The following DNAH9 variants were observed in gnomAD, a reference collection of about 807,000 sequenced individuals.
The protein encoded by DNAH9 is DNAH9 variant protein.
DNAH9 carries 345 observed loss-of-function variants against 471.6 expected under a neutral mutation model. The observed-to-expected ratio is 0.73, with a 90% CI of 0.67 to 0.80. DNAH9 has a LOEUF of 0.80. Among genes scored for constraint, DNAH9 ranks in the 30% least tolerant of loss-of-function variants. The pLI is 0.00. For synonymous variants in DNAH9, 2,093 were observed against 2,123.6 expected (o/e 0.99, Z 0.40); for missense variants, 5,407 against 5,609.2 (o/e 0.96, Z 1.15).
At chr17:11,652,478 G>A (rs1049856688) in intron 13 of DNAH9, among the ~76,000 whole-genome samples, 1 of 151,862 alleles carries the variant, frequency 6.6e-6, no homozygotes, top group African/African-American at 2.4e-5. Context: ...GTAGAGACAG[G>A]GTTTCACCGT....
At chr17:11,708,014 CAGAGAGAGAGAGAGAGAGAGAG>C (rs34314090) in intron 26 of DNAH9, among the ~76,000 whole-genome samples, 1 of 52,154 alleles carries the variant, frequency 1.9e-5, no homozygotes, top group African/African-American at 7.2e-5. Flanking sequence ...CACACACACA[CAGAGAGAGAGAGAGAGAGAGAG>C]AGAGAGAGAG....
intron 28 of DNAH9, among the ~76,000 whole-genome samples, chr17:11,732,800 C>G (rs1442437999): frequency 6.6e-6 from 1 of 152,206 alleles, no homozygotes; most frequent in East Asian, 1.9e-4. Context: ...GCCCTGTTCC[C>G]CTCCATGCCC....
intron 38 of DNAH9, among the ~76,000 whole-genome samples, chr17:11,780,730 T>C (rs1362808053): frequency 6.6e-6 from 1 of 152,204 alleles, no homozygotes; most frequent in Non-Finnish European, 1.5e-5. Context: ...AGTTATGTTA[T>C]AAGGATTAAA....
At position 11,651,228 on chromosome 17, in the gene DNAH9, C is replaced by G; in HGVS notation, c.2257C>G (p.Leu753Val). The G allele has an allele frequency of 6.2e-7, 1 of 1,614,034 alleles. No homozygotes were observed. The highest frequency in any genetic ancestry group is 8.5e-7 in the Non-Finnish European group (1 of 1,179,988). Residue 753 changes from leucine (L) to valine (V), a missense_variant, in exon 13 of 69, where the codon CTG becomes GTG. By Grantham distance (32) the Leu-to-Val change is conservative (BLOSUM62 1). Around this residue, in one of 3 missense-constraint regions of DNAH9, gnomAD observed 4,636 missense variants for 4,900.3 expected, o/e 0.95. Coordinates refer to ENST00000262442, the MANE Select transcript of DNAH9 (RefSeq NM_001372.4). ...TTGGTACAACAAGGTTATGAAAACTCTGCTGGAGGTGGAATTTCCATTAGT... is the reference window on the plus strand; with the variant it reads ...TTGGTACAACAAGGTTATGAAAACTGTGCTGGAGGTGGAATTTCCATTAGT... ...ANWYNKVMKT[L>V]LEVEFPLVEE...
intron 68 of DNAH9, among the ~76,000 whole-genome samples, chr17:11,964,022 T>C (rs1231047881): frequency 6.6e-6 from 1 of 152,182 alleles, no homozygotes; most frequent in Admixed American, 6.5e-5. Context: ...TGCCCATACT[T>C]TGACTTAGGA....
chr17:11,923,790 A>C (rs1974220553), intron 61 of DNAH9, 24 bp from the exon 62 acceptor site: 1 of 1,611,514 alleles, frequency 6.2e-7, no homozygotes, highest in South Asian at 1.1e-5. Context: ...AGAAATAATA[A>C]TGACGCCTCC....
chr17:11,752,562 G>A (rs1967203227), intron 32 of DNAH9, among the ~76,000 whole-genome samples: 1 of 152,130 alleles, frequency 6.6e-6, no homozygotes, highest in African/African-American at 2.4e-5. Flanking sequence ...AGCTACTCAG[G>A]AGGCTGAGGC....
chr17:11,954,403 G>A (rs1975535388), intron 67 of DNAH9, among the ~76,000 whole-genome samples: 1 of 151,904 alleles, frequency 6.6e-6, no homozygotes, highest in Non-Finnish European at 1.5e-5. Flanking sequence ...GCTGAAACCA[G>A]GGATAAAGAA....
chr17:11,633,769 G>A (rs1282464701), intron 8 of DNAH9, among the ~76,000 whole-genome samples: 1 of 151,174 alleles, frequency 6.6e-6, no homozygotes, highest in East Asian at 2.0e-4. Flanking sequence ...GTGCACTAAG[G>A]ATGCCCAGAC....
In DNAH9 at chr17:11,606,443, CTTTTCTTTTCTT is replaced by C. The variant is rs1204169329; in HGVS notation, c.418-1681_418-1670del. On this transcript the variant is annotated intron_variant, in intron 1 of 68. Transcript: ENST00000262442. ...CTGACAACTTTCTTTCTTTTCTTTT[CTTTTCTTTTCTT>C]TTTTTTTTTTTTGAGACAGAGTCTT... Among the ~76,000 whole-genome samples, 9 of 69,116 alleles carry C rather than the reference CTTTTCTTTTCTT, an allele frequency of 1.3e-4. 1 individual carries two copies. The highest frequency in any genetic ancestry group is 1.8e-4 in the Non-Finnish European group (7 of 39,694). 45.3% of individuals were successfully genotyped at this position (69,116 alleles called of 152,430 possible).
rs1205973722 is a variant in DNAH9, at chr17:11,854,369, GC to G, written c.9876del (p.Thr3293ProfsTer48). On this transcript the variant is annotated frameshift_variant, in exon 50 of 69. Coordinates refer to ENST00000262442, the MANE Select transcript of DNAH9 (RefSeq NM_001372.4). LOFTEE classifies it high-confidence loss of function. ...ACCCAAGCGCCAGGCACTGAACAAA[GC>G]CACCGCGGACCTCACAGCTGCCCAG... ...VEPKRQALNK[A>X]TADLTAAQEK... The G allele has an allele frequency of 4.3e-6, 7 of 1,614,090 alleles. No homozygotes were observed. The highest frequency in any genetic ancestry group is 5.1e-6 in the Non-Finnish European group (6 of 1,180,034).
At chr17:11,696,094 A>G (rs1243679702) in intron 22 of DNAH9, among the ~76,000 whole-genome samples, 2 of 152,190 alleles carry the variant, frequency 1.3e-5, no homozygotes, top group Non-Finnish European at 2.9e-5. Context: ...TGTTCCACCC[A>G]CTATAGGTAA....
At chr17:11,763,291 G>A in intron 35 of DNAH9, 149 bp from the exon 36 acceptor site, 1 of 685,166 alleles carries the variant, frequency 1.5e-6, no homozygotes, top group South Asian at 1.9e-5. Flanking sequence ...TGAGAATAAA[G>A]GCTTAAGTGG....
intron 48 of DNAH9, among the ~76,000 whole-genome samples, chr17:11,826,363 G>GC (rs938368455): frequency 3.3e-5 from 5 of 151,244 alleles, no homozygotes; most frequent in Admixed American, 6.6e-5. Flanking sequence ...GAAGCTGGGG[G>GC]GGTAATTTTA....
At chr17:11,923,966 G>A in intron 62 of DNAH9, 25 bp downstream of exon 62, 1 of 1,611,070 alleles carries the variant, frequency 6.2e-7, no homozygotes, top group Non-Finnish European at 8.5e-7. Context: ...CCTTGTCTGG[G>A]TTATCTTGAC....
chr17:11,628,231 G>A (rs891956607), intron 6 of DNAH9, among the ~76,000 whole-genome samples: 38 of 152,186 alleles, frequency 2.5e-4, no homozygotes, highest in African/African-American at 9.2e-4. Context: ...AATTCAATCT[G>A]TCCTGCTAGA....
chr17:11,668,144 T>G (rs946635658), intron 15 of DNAH9, among the ~76,000 whole-genome samples: 1 of 152,240 alleles, frequency 6.6e-6, no homozygotes, highest in African/African-American at 2.4e-5. Context: ...AGGGATTTGT[T>G]AATTATTCAT....
At chr17:11,866,030 C>G (rs897138049) in intron 50 of DNAH9, among the ~76,000 whole-genome samples, 38 of 152,244 alleles carry the variant, frequency 2.5e-4, no homozygotes, top group Non-Finnish European at 4.3e-4. Context: ...CAAAGTCATT[C>G]TCCGTCCAGC....
chr17:11,953,847 A>AAGTT (rs1450968306), intron 67 of DNAH9: 1 of 152,098 alleles, frequency 6.6e-6, no homozygotes, highest in African/African-American at 2.4e-5. Context: ...CAACTATTAT[A>AAGTT]AGTTTGCACC....
Sources: allele counts gnomAD v4.1 joint callset (sites outside exome capture counted in the v4.1 genomes callset), GRCh38; gene constraint gnomAD v4.1.1; regional missense constraint gnomAD v4.1.1; transcripts MANE v1.5; gene names NCBI Gene and HGNC (gene_info 2026-07-23, HGNC 2026-07-21).